The following IL1RAPL2 variants were observed in gnomAD, a reference collection of about 807,000 sequenced individuals.
The protein encoded by IL1RAPL2 is X-linked interleukin-1 receptor accessory protein-like 2.
In IL1RAPL2, 3 loss-of-function variants were observed where a neutral mutation model predicts 44.1. The ratio of observed to expected loss-of-function variants is 0.07; its 90% CI spans 0.03 to 0.18. IL1RAPL2 has a LOEUF of 0.18. Ranked by LOEUF, IL1RAPL2 falls within the 10% of genes least tolerant of loss-of-function variation. The pLI, the probability that IL1RAPL2 is intolerant of heterozygous loss-of-function variation, is 1.00. For synonymous variants in IL1RAPL2, 181 were observed against 178.8 expected (o/e 1.01, Z -0.10); for missense variants, 391 against 496.4 (o/e 0.79, Z 2.02).
chrX:104,845,476 A>C (rs1708350543), intron 2 of IL1RAPL2, among the ~76,000 whole-genome samples: 1 of 112,103 alleles, frequency 8.9e-6, no homozygotes, highest in Admixed American at 9.5e-5. Context: ...AAAGAAGATA[A>C]AGATTTTTAA....
intron 2 of IL1RAPL2, among the ~76,000 whole-genome samples, chrX:105,077,444 T>C (rs1182996337): frequency 8.9e-6 from 1 of 111,923 alleles, no homozygotes; most frequent in Non-Finnish European, 1.9e-5. Flanking sequence ...CCTTTGTGGG[T>C]AACCAGACCT....
At chrX:105,031,625 G>T (rs2031498280) in intron 2 of IL1RAPL2, among the ~76,000 whole-genome samples, 1 of 111,772 alleles carries the variant, frequency 8.9e-6, no homozygotes, top group Non-Finnish European at 1.9e-5. Flanking sequence ...GCTTTTTGAT[G>T]TGCTGCTGGA....
In IL1RAPL2 at chrX:105,144,096, T is replaced by G. The variant is rs188705076; in HGVS notation, c.83-51379T>G. On this transcript the variant is annotated intron_variant, in intron 2 of 10. Coordinates refer to ENST00000372582, the MANE Select transcript of IL1RAPL2 (RefSeq NM_017416.2). Reference sequence around the variant, plus strand: ...TCAGAGTCTCCTTTCAACAGATGGGTGTGTGTGTGTGTGTGTGTGTGTGTG... The same window carrying G: ...TCAGAGTCTCCTTTCAACAGATGGGGGTGTGTGTGTGTGTGTGTGTGTGTG... Among the ~76,000 whole-genome samples the G allele has an allele frequency of 7.1e-3, 230 of 32,504 alleles. 2 individuals carry two copies. The highest frequency in any genetic ancestry group is 0.069 in the Admixed American group (188 of 2,728). The allele number at this position is 32,504 out of a possible 115,157, so 28.2% of individuals were successfully genotyped here. A position where few individuals can be genotyped will look rare whatever the true frequency, so the allele number is the denominator to read the frequency against.
chrX:105,501,651 C>G (rs751460237), intron 6 of IL1RAPL2, among the ~76,000 whole-genome samples: 1 of 111,302 alleles, frequency 9.0e-6, no homozygotes, highest in Non-Finnish European at 1.9e-5. Context: ...ACAACAACGA[C>G]AAACCCATAG....
intron 1 of IL1RAPL2, among the ~76,000 whole-genome samples, chrX:104,623,546 G>A (rs767822459): frequency 1.1e-4 from 12 of 111,029 alleles, no homozygotes; most frequent in African/African-American, 2.9e-4. Flanking sequence ...CCCATCAGGG[G>A]TCCCTCTCCC....
intron 1 of IL1RAPL2, among the ~76,000 whole-genome samples, chrX:104,642,547 C>T (rs1043529579): frequency 8.1e-5 from 9 of 110,514 alleles, no homozygotes; most frequent in Non-Finnish European, 1.5e-4. Context: ...TCCAATGGCA[C>T]GATCTCGGCT....
chrX:105,077,678 C>T (rs1204355649), intron 2 of IL1RAPL2, among the ~76,000 whole-genome samples: 2 of 112,032 alleles, frequency 1.8e-5, no homozygotes, highest in Non-Finnish European at 1.9e-5. Context: ...CTTTCAGGTA[C>T]ACCAATTAGA....
chrX:104,582,640 C>CTTTCTT (rs1190837162), intron 1 of IL1RAPL2, among the ~76,000 whole-genome samples: 7 of 52,615 alleles, frequency 1.3e-4, no homozygotes, highest in African/African-American at 4.7e-4. Context: ...TTCTTTCTTT[C>CTTTCTT]TCTCTTTCTT....
At chrX:104,750,556 A>G (rs1011156566) in intron 2 of IL1RAPL2, among the ~76,000 whole-genome samples, 6 of 110,852 alleles carry the variant, frequency 5.4e-5, no homozygotes, top group African/African-American at 2.0e-4. Context: ...AGTGGAGCCC[A>G]TTCTGAGAGA....
intron 2 of IL1RAPL2, among the ~76,000 whole-genome samples, chrX:105,010,863 T>TA (rs764778409): frequency 9.0e-6 from 1 of 111,634 alleles, no homozygotes; most frequent in South Asian, 3.7e-4. Context: ...AATTATTTCT[T>TA]AAAAAAATCT....
intron 5 of IL1RAPL2, among the ~76,000 whole-genome samples, chrX:105,353,975 T>G (rs2035179408): frequency 9.0e-6 from 1 of 110,951 alleles, no homozygotes; most frequent in Admixed American, 9.6e-5. Context: ...CTATGTTGAA[T>G]AGGAGTGGTG....
At chrX:105,322,816 C>T (rs1261686099) in intron 5 of IL1RAPL2, among the ~76,000 whole-genome samples, 1 of 111,457 alleles carries the variant, frequency 9.0e-6, no homozygotes, top group Non-Finnish European at 1.9e-5. Flanking sequence ...TATAGCATAA[C>T]TTAATTACAG....
Position 105,040,362 on chromosome X carries a change from C to A in IL1RAPL2, c.83-155113C>A, listed in dbSNP as rs150190176. Among the ~76,000 whole-genome samples the A allele has an allele frequency of 6.7e-4, 74 of 111,218 alleles. No individual in the cohort carries two copies. The East Asian group carries it at 9.4e-3, about 14-fold the overall frequency. ...ATTCTCTTTTTTAGTTGTGTCTCTG[C>A]CAGGCTTTGGTATGAGGATGATGCT... On this transcript the variant is annotated intron_variant, in intron 2 of 10. Coordinates refer to ENST00000372582, the MANE Select transcript of IL1RAPL2 (RefSeq NM_017416.2).
intron 2 of IL1RAPL2, among the ~76,000 whole-genome samples, chrX:105,160,019 T>G (rs2033308275): frequency 1.0e-5 from 1 of 97,007 alleles, no homozygotes; most frequent in African/African-American, 3.7e-5. Flanking sequence ...TTTGTGGTTG[T>G]TTGTAACAAA....
At chrX:104,692,006 C>A (rs1280505531) in intron 2 of IL1RAPL2, among the ~76,000 whole-genome samples, 1 of 111,722 alleles carries the variant, frequency 9.0e-6, no homozygotes, top group African/African-American at 3.3e-5. Flanking sequence ...AGTCACTCTG[C>A]AAGTTAGAAG....
At chrX:104,738,395 A>G (rs771685466) in intron 2 of IL1RAPL2, among the ~76,000 whole-genome samples, 51 of 112,217 alleles carry the variant, frequency 4.5e-4, no homozygotes, top group Non-Finnish European at 7.9e-4. Flanking sequence ...CATTTTCACC[A>G]TTTGTGTATT....
chrX:105,025,970 T>C (rs765649138), intron 2 of IL1RAPL2, among the ~76,000 whole-genome samples: 70 of 110,837 alleles, frequency 6.3e-4, no homozygotes, highest in African/African-American at 2.2e-3. Flanking sequence ...ACTAATTGAT[T>C]TTCCCATGAA....
chrX:104,846,554 C>G, intron 2 of IL1RAPL2, among the ~76,000 whole-genome samples: 1 of 111,765 alleles, frequency 8.9e-6, no homozygotes, highest in East Asian at 2.8e-4. Context: ...GCATAGTAAT[C>G]CATGGTGTAT....
intron 2 of IL1RAPL2, among the ~76,000 whole-genome samples, chrX:104,879,685 T>A (rs992222663): frequency 8.9e-6 from 1 of 112,036 alleles, no homozygotes; most frequent in African/African-American, 3.2e-5. Flanking sequence ...ATCACAGTAG[T>A]TTCTGCTGGA....
Sources: gnomAD v4.1 joint callset for allele counts (sites outside exome capture counted in the v4.1 genomes callset) on GRCh38, gnomAD v4.1.1 for gene constraint, MANE v1.5 for transcripts, NCBI Gene and HGNC (gene_info 2026-07-23, HGNC 2026-07-21) for gene names.